The following MACC1 variants were observed in gnomAD, a reference collection of about 807,000 sequenced individuals.
MACC1 encodes the protein metastasis-associated in colon cancer protein 1.
Under a neutral mutation model 70.7 loss-of-function variants are expected in MACC1, and 79 were observed. The ratio of observed to expected loss-of-function variants is 1.12; its 90% CI spans 0.93 to 1.35. The LOEUF is 1.35. Ranked by LOEUF, MACC1 falls within the 40% of genes most tolerant of loss-of-function variation. MACC1 has a pLI of 0.00. For synonymous variants in MACC1, 361 were observed against 347.2 expected, an observed-to-expected ratio of 1.04 and a Z score of -0.44; for missense variants, 1,106 against 978.1, an observed-to-expected ratio of 1.13 and a Z score of -1.74.
chr7:20,149,355 T>C (rs909913540), intron 6 of MACC1, among the ~76,000 whole-genome samples: 6 of 152,200 alleles, frequency 3.9e-5, no homozygotes, highest in African/African-American at 1.4e-4. Context: ...TTCCTCTTCC[T>C]CTTCATTAAA....
intron 1 of MACC1, among the ~76,000 whole-genome samples, chr7:20,204,660 G>A (rs1404579213): frequency 1.3e-5 from 2 of 152,054 alleles, no homozygotes; most frequent in African/African-American, 4.8e-5. Context: ...TATATTTTTT[G>A]GTTAGGTGAG....
At chr7:20,186,282 T>G (rs1782588118) in intron 1 of MACC1, among the ~76,000 whole-genome samples, 1 of 152,152 alleles carries the variant, frequency 6.6e-6, no homozygotes, top group South Asian at 2.1e-4. Flanking sequence ...CTAATACAAG[T>G]AATGTGAGGT....
chr7:20,189,462 A>G (rs1408176933), intron 1 of MACC1, among the ~76,000 whole-genome samples: 3 of 152,334 alleles, frequency 2.0e-5, no homozygotes, highest in Admixed American at 2.0e-4. Flanking sequence ...AAAACTGAGA[A>G]AGAAACAAAT....
chr7:20,206,689 T>G (rs1413658478), intron 1 of MACC1, among the ~76,000 whole-genome samples: 1 of 152,200 alleles, frequency 6.6e-6, no homozygotes, highest in Non-Finnish European at 1.5e-5. Context: ...GCCTCCTGAC[T>G]CCAAGACCTG....
chr7:20,185,190 T>C (rs1037262104), intron 1 of MACC1: 1 of 152,222 alleles, frequency 6.6e-6, no homozygotes, highest in Non-Finnish European at 1.5e-5. Flanking sequence ...GCTTACACTT[T>C]GCTATCATAA....
chr7:20,162,544 T>C (rs1250829030), intron 3 of MACC1, among the ~76,000 whole-genome samples: 2 of 152,104 alleles, frequency 1.3e-5, no homozygotes, highest in Non-Finnish European at 2.9e-5. Flanking sequence ...GCATTTATCA[T>C]AAATAGGCTC....
At chr7:20,212,330 CT>C (rs1211879212) in intron 1 of MACC1, among the ~76,000 whole-genome samples, 4 of 152,108 alleles carry the variant, frequency 2.6e-5, no homozygotes, top group African/African-American at 7.2e-5. Context: ...GAAATTAAAC[CT>C]GATGTCTGTT....
At chr7:20,141,228 AG>A in intron 6 of MACC1, 70 bp from the exon 7 acceptor site, 1 of 1,007,844 alleles carries the variant, frequency 9.9e-7, no homozygotes, top group African/African-American at 1.6e-5. Flanking sequence ...TTTAAAAAAA[AG>A]ATGTAAAAAG....
intron 1 of MACC1, among the ~76,000 whole-genome samples, chr7:20,205,505 A>ATT (rs112484661): frequency 3.4e-5 from 5 of 148,626 alleles, no homozygotes; most frequent in African/African-American, 1.2e-4. Context: ...AATTCAATCT[A>ATT]TTTTTTTTTT....
intron 6 of MACC1, among the ~76,000 whole-genome samples, chr7:20,143,680 C>T (rs976936049): frequency 8.5e-5 from 13 of 152,194 alleles, no homozygotes; most frequent in Non-Finnish European, 1.3e-4. Context: ...TGAGCCACCA[C>T]GCCCAGCCCT....
intron 1 of MACC1, among the ~76,000 whole-genome samples, chr7:20,201,407 C>T (rs973557370): frequency 1.3e-5 from 2 of 151,920 alleles, no homozygotes; most frequent in African/African-American, 4.8e-5. Flanking sequence ...GAGCAGAACT[C>T]GTTCAGAAAG....
At chr7:20,154,432 C>T (rs1782026897) in intron 5 of MACC1, 51 bp from the exon 6 acceptor site, 1 of 1,540,756 alleles carries the variant, frequency 6.5e-7, no homozygotes, top group Non-Finnish European at 8.8e-7. Context: ...TTGGGCTTTT[C>T]TCTCTATAAA....
In MACC1 at chr7:20,137,663, ATGGTATATAAG is replaced by A. The variant is rs1432884794; in HGVS notation, c.*3272_*3282del. On this transcript the variant is annotated 3_prime_UTR_variant, in exon 7 of 7. Coordinates refer to ENST00000400331, the MANE Select transcript of MACC1 (RefSeq NM_182762.4). ...TTTGATACTTTTAATGATGTCAAAGATGGTATATAAGTGCCTTATTATTTCATTGACTTACT... is the reference window on the plus strand; with the variant it reads ...TTTGATACTTTTAATGATGTCAAAGATGCCTTATTATTTCATTGACTTACT... 1 of 152,212 alleles carries A rather than the reference ATGGTATATAAG, an allele frequency of 6.6e-6. No homozygotes were observed. The highest frequency in any genetic ancestry group is 1.5e-5 in the Non-Finnish European group (1 of 68,038). 9.4% of individuals were successfully genotyped at this position (152,212 alleles called of 1,614,324 possible). A position where few individuals can be genotyped will look rare whatever the true frequency, so the allele number is the denominator to read the frequency against.
At position 20,135,024 on chromosome 7, in the gene MACC1, G is replaced by A. The variant is rs1001808363; in HGVS notation, c.*5922C>T. On this transcript the variant is annotated 3_prime_UTR_variant, in exon 7 of 7. Transcript: ENST00000400331. Reference sequence around the variant, plus strand: ...TTTCTAATTCTACAGTGAAAGCAGGGCATATAGATAGCTGTATTGATCACA... The same window carrying A: ...TTTCTAATTCTACAGTGAAAGCAGGACATATAGATAGCTGTATTGATCACA... 6.6e-6 allele frequency: 1 copy of A among 152,154 alleles called. No homozygotes were observed. Among genetic ancestry groups the A allele is most frequent in the Non-Finnish European group, 1.5e-5 (1 of 68,026 alleles). 9.4% of individuals were successfully genotyped at this position (152,154 alleles called of 1,614,324 possible).
At chr7:20,178,894 C>T (rs1197862506) in intron 1 of MACC1, among the ~76,000 whole-genome samples, 2 of 152,160 alleles carry the variant, frequency 1.3e-5, no homozygotes, top group African/African-American at 2.4e-5. Context: ...GCCATCATGC[C>T]CAGCCCAGAT....
intron 3 of MACC1, among the ~76,000 whole-genome samples, chr7:20,163,660 C>G (rs1417726057): frequency 6.6e-6 from 1 of 152,156 alleles, no homozygotes; most frequent in Non-Finnish European, 1.5e-5. Context: ...ACTCAGCCTT[C>G]TTTACATATA....
chr7:20,184,238 G>A lies in MACC1; in HGVS notation c.-217-13460C>T, dbSNP rs138183469. 4.3e-3 allele frequency among the ~76,000 whole-genome samples: 660 copies of A among 152,108 alleles called. 1 individual carries two copies. The highest frequency in any genetic ancestry group is 6.0e-3 in the Non-Finnish European group (405 of 67,992). ...GCACCCATCACCCAAGCAGTGTCCCGAGACCACTTTTATTCAGTCATACTC... is the reference window on the plus strand; with the variant it reads ...GCACCCATCACCCAAGCAGTGTCCCAAGACCACTTTTATTCAGTCATACTC... On this transcript the variant is annotated intron_variant, in intron 1 of 6. Transcript: ENST00000400331.
At chr7:20,153,843 C>T (rs1681774413) in intron 6 of MACC1, among the ~76,000 whole-genome samples, 1 of 152,130 alleles carries the variant, frequency 6.6e-6, no homozygotes, top group Non-Finnish European at 1.5e-5. Flanking sequence ...CCTCTATTGT[C>T]CTGACTTGAT....
intron 1 of MACC1, among the ~76,000 whole-genome samples, chr7:20,186,831 A>T (rs1782595796): frequency 6.6e-6 from 1 of 152,222 alleles, no homozygotes; most frequent in Non-Finnish European, 1.5e-5. Flanking sequence ...AACATCCTTC[A>T]CTGGAATATT....
Sources: gnomAD v4.1 joint callset for allele counts (sites outside exome capture counted in the v4.1 genomes callset) on GRCh38, gnomAD v4.1.1 for gene constraint, MANE v1.5 for transcripts, NCBI Gene and HGNC (gene_info 2026-07-23, HGNC 2026-07-21) for gene names.